CDH13: variants seen among roughly 807,000 people sequenced by gnomAD.
CDH13 encodes the protein cadherin-13.
CDH13 carries 24 observed loss-of-function variants against 63.8 expected under a neutral mutation model. The ratio of observed to expected loss-of-function variants is 0.38; its 90% CI spans 0.27 to 0.53. CDH13 has a LOEUF of 0.53. CDH13 is among the 20% of genes least tolerant of loss of function. The probability of loss-of-function intolerance (pLI) is 0.85; values close to 1 mark genes in which losing one functional copy is unlikely to be tolerated. For missense variants in CDH13, 1,049 were observed against 903.1 expected (o/e 1.16, Z -2.07); for synonymous variants, 503 against 355.3 (o/e 1.42, Z -4.67).
Position 82,818,245 on chromosome 16 carries a change from G to A in CDH13, c.46-40117G>A, listed in dbSNP as rs560212698. 3.3e-5 allele frequency among the ~76,000 whole-genome samples: 5 copies of A among 152,166 alleles called. No individual in the cohort carries two copies. The East Asian group carries it at 9.7e-4, about 29-fold the overall frequency. On this transcript the variant is annotated intron_variant, in intron 1 of 13. Transcript: ENST00000567109. ...GCCATTGTTTCTGTTACGTAGATGA[G>A]GAATTTGAGTCTCTAAAACTTGAAG...
At chr16:83,000,485 T>TCCCAAAA (rs1246140485) in intron 2 of CDH13, among the ~76,000 whole-genome samples, 2 of 151,250 alleles carry the variant, frequency 1.3e-5, no homozygotes. Flanking sequence ...TGACCTCAGG[T>TCCCAAAA]GATCCACTCA....
intron 1 of CDH13, among the ~76,000 whole-genome samples, chr16:82,788,743 C>T (rs1447607737): frequency 6.6e-6 from 1 of 152,184 alleles, no homozygotes; most frequent in Non-Finnish European, 1.5e-5. Context: ...GAACAAGGTG[C>T]TTAGAGTGCC....
intron 1 of CDH13, among the ~76,000 whole-genome samples, chr16:82,750,244 A>G (rs1353265794): frequency 6.6e-6 from 1 of 152,126 alleles, no homozygotes. Flanking sequence ...GAATATCTTT[A>G]TTGCTGAGTA....
At chr16:83,575,705 G>T (rs1905042533) in intron 7 of CDH13, among the ~76,000 whole-genome samples, 1 of 152,118 alleles carries the variant, frequency 6.6e-6, no homozygotes, top group African/African-American at 2.4e-5. Context: ...GAAGCTTCCT[G>T]GTCTCTGAGA....
intron 1 of CDH13, among the ~76,000 whole-genome samples, chr16:82,655,865 T>G (rs1190672693): frequency 6.6e-6 from 1 of 151,996 alleles, no homozygotes; most frequent in Middle Eastern, 3.2e-3. Flanking sequence ...TGCCTTCGGG[T>G]CATGGCTCAC....
At chr16:83,370,271 G>A (rs890601186) in intron 6 of CDH13, among the ~76,000 whole-genome samples, 4 of 151,660 alleles carry the variant, frequency 2.6e-5, no homozygotes, top group Non-Finnish European at 5.9e-5. Flanking sequence ...GGCTATAGTC[G>A]CAGCTACTCG....
At chr16:82,758,088 C>T (rs1409475846) in intron 1 of CDH13, among the ~76,000 whole-genome samples, 1 of 152,050 alleles carries the variant, frequency 6.6e-6, no homozygotes, top group Non-Finnish European at 1.5e-5. Flanking sequence ...CCGGTGAGTG[C>T]CAAGCCCCCA....
intron 7 of CDH13, among the ~76,000 whole-genome samples, chr16:83,519,797 G>T (rs1168948534): frequency 6.6e-6 from 1 of 152,138 alleles, no homozygotes; most frequent in East Asian, 1.9e-4. Context: ...CAGTGTGAAT[G>T]GTGGGGGGAA....
intron 1 of CDH13, among the ~76,000 whole-genome samples, chr16:82,795,944 CTT>C (rs74501986): frequency 0.011 from 1,527 of 136,132 alleles, 23 homozygotes; most frequent in African/African-American, 0.033. Context: ...ACCCTTCATT[CTT>C]TTTTTTTTTT....
chr16:82,633,034 G>T (rs555576320), intron 1 of CDH13, among the ~76,000 whole-genome samples: 1 of 152,318 alleles, frequency 6.6e-6, no homozygotes, highest in African/African-American at 2.4e-5. Flanking sequence ...GGTAATGCGA[G>T]TGCTGGGGGG....
At chr16:83,527,714 C>A (rs551439871) in intron 7 of CDH13, among the ~76,000 whole-genome samples, 55 of 152,278 alleles carry the variant, frequency 3.6e-4, no homozygotes, top group African/African-American at 1.3e-3. Context: ...AGACAACACC[C>A]AGTCTAGGAC....
chr16:83,044,199 G>A (rs1479032423), intron 3 of CDH13, among the ~76,000 whole-genome samples: 1 of 152,168 alleles, frequency 6.6e-6, no homozygotes, highest in African/African-American at 2.4e-5. Flanking sequence ...GAAAAGTTAA[G>A]TAACTTAACC....
intron 6 of CDH13, among the ~76,000 whole-genome samples, chr16:83,445,017 T>C (rs2072632038): frequency 1.3e-5 from 2 of 152,220 alleles, no homozygotes; most frequent in African/African-American, 4.8e-5. Context: ...GGGATTTTTT[T>C]CAAATGAGGC....
At chr16:83,451,705 A>T (rs1875396405) in intron 6 of CDH13, among the ~76,000 whole-genome samples, 1 of 152,132 alleles carries the variant, frequency 6.6e-6, no homozygotes, top group African/African-American at 2.4e-5. Flanking sequence ...TTTTGTAGAG[A>T]CGAGGTCCCA....
chr16:83,087,880 C>T (rs1459221831), intron 3 of CDH13, among the ~76,000 whole-genome samples: 1 of 152,012 alleles, frequency 6.6e-6, no homozygotes, highest in African/African-American at 2.4e-5. Context: ...AAGATGGTTT[C>T]ATAGGTAGTA....
chr16:83,425,647 A>G (rs12925453), intron 6 of CDH13, among the ~76,000 whole-genome samples: 19,142 of 152,218 alleles, frequency 0.13, 1,624 homozygotes, highest in Non-Finnish European at 0.18. Flanking sequence ...TTATGTCTTT[A>G]GTCATCTCCT....
intron 3 of CDH13, among the ~76,000 whole-genome samples, chr16:83,068,810 G>T (rs2032224975): frequency 6.6e-6 from 1 of 152,148 alleles, no homozygotes; most frequent in African/African-American, 2.4e-5. Context: ...CACCCTGCTT[G>T]CCAATTTTTC....
At chr16:83,609,990 G>A (rs1908708720) in intron 8 of CDH13, among the ~76,000 whole-genome samples, 1 of 152,150 alleles carries the variant, frequency 6.6e-6, no homozygotes, top group Admixed American at 6.5e-5. Context: ...CTTTGTGACT[G>A]GCTTCTTTCA....
chr16:82,698,935 T>A (rs1264025633), intron 1 of CDH13, among the ~76,000 whole-genome samples: 1 of 152,150 alleles, frequency 6.6e-6, no homozygotes, highest in South Asian at 2.1e-4. Flanking sequence ...TTTCTTTTAA[T>A]AATCCTTTAA....
Sources: gnomAD v4.1 joint callset for allele counts (sites outside exome capture counted in the v4.1 genomes callset) on GRCh38, gnomAD v4.1.1 for gene constraint, MANE v1.5 for transcripts, NCBI Gene and HGNC (gene_info 2026-07-23, HGNC 2026-07-21) for gene names.